Variants in MTUS2 observed in about 807,000 individuals in gnomAD.
MTUS2 encodes microtubule-associated tumor suppressor candidate 2.
A neutral mutation model predicts 114.1 loss-of-function variants in MTUS2; 40 were observed. The observed-to-expected ratio is 0.35, with a 90% CI of 0.27 to 0.46. The LOEUF (loss-of-function observed/expected upper bound fraction) is 0.46. Among genes scored for constraint, MTUS2 ranks in the 20% least tolerant of loss-of-function variants. MTUS2 has a pLI of 1.00. For missense variants in MTUS2, 1,679 were observed against 1,705.4 expected, an observed-to-expected ratio of 0.98 and a Z score of 0.27; for synonymous variants, 688 against 672.0, an observed-to-expected ratio of 1.02 and a Z score of -0.37.
chr13:29,472,107 C>A (rs1319231105), intron 9 of MTUS2, among the ~76,000 whole-genome samples: 1 of 152,170 alleles, frequency 6.6e-6, no homozygotes, highest in African/African-American at 2.4e-5. Flanking sequence ...TCACTGTAAC[C>A]TCTGCCTCCC....
chr13:29,339,028 G>A (rs1479025021), intron 7 of MTUS2, among the ~76,000 whole-genome samples: 1 of 152,132 alleles, frequency 6.6e-6, no homozygotes, highest in Non-Finnish European at 1.5e-5. Context: ...AATAGGATGA[G>A]GCAGTCTGGA....
chr13:29,205,956 C>T (rs1895167609), intron 5 of MTUS2, among the ~76,000 whole-genome samples: 1 of 152,120 alleles, frequency 6.6e-6, no homozygotes, highest in South Asian at 2.1e-4. Context: ...AATGGTAGTT[C>T]TACTTTTAGT....
At chr13:29,446,840 A>G (rs957845228) in intron 9 of MTUS2, among the ~76,000 whole-genome samples, 1 of 152,174 alleles carries the variant, frequency 6.6e-6, no homozygotes, top group African/African-American at 2.4e-5. Flanking sequence ...GAGAAGAGAC[A>G]CATAATATCT....
intron 9 of MTUS2, among the ~76,000 whole-genome samples, chr13:29,460,259 A>G (rs1230023040): frequency 1.3e-5 from 2 of 152,062 alleles, no homozygotes; most frequent in African/African-American, 4.8e-5. Flanking sequence ...TGTTTTTCCT[A>G]CAAGTGCTGT....
At chr13:29,000,989 A>G (rs148333700) in intron 2 of MTUS2, among the ~76,000 whole-genome samples, 287 of 152,238 alleles carry the variant, frequency 1.9e-3, no homozygotes, top group Non-Finnish European at 3.1e-3. Context: ...GCAGCGTTCT[A>G]CAGTCCTTAG....
At chr13:29,456,966 T>C (rs1476515001) in intron 9 of MTUS2, among the ~76,000 whole-genome samples, 10 of 150,378 alleles carry the variant, frequency 6.6e-5, no homozygotes, top group Non-Finnish European at 1.2e-4. Flanking sequence ...TGAAACCCCG[T>C]CTCTACTAAA....
At chr13:29,454,885 G>A (rs1293757526) in intron 9 of MTUS2, among the ~76,000 whole-genome samples, 2 of 152,136 alleles carry the variant, frequency 1.3e-5, no homozygotes, top group African/African-American at 2.4e-5. Context: ...CCTGTCTTCT[G>A]CTTCTAGCCA....
chr13:29,096,468 C>T (rs1890184301), intron 4 of MTUS2, among the ~76,000 whole-genome samples: 1 of 152,224 alleles, frequency 6.6e-6, no homozygotes, highest in South Asian at 2.1e-4. Flanking sequence ...GAGGTTAGTT[C>T]TGACCCCTGG....
chr13:29,420,750 G>A (rs1876035262), intron 8 of MTUS2, among the ~76,000 whole-genome samples: 2 of 152,036 alleles, frequency 1.3e-5, no homozygotes, highest in Admixed American at 1.3e-4. Context: ...GTCCAATATT[G>A]TCCAACCTAT....
At chr13:28,838,464 G>C (rs534694779) in intron 1 of MTUS2, among the ~76,000 whole-genome samples, 1 of 152,340 alleles carries the variant, frequency 6.6e-6, no homozygotes, top group African/African-American at 2.4e-5. Context: ...AGAAGTAAAT[G>C]TTCCCTTCAT....
In MTUS2 at chr13:28,966,037, A is replaced by G. The variant is rs113841014; in HGVS notation, c.-242-58420A>G. ...ACAGTGCTCAAAGTGGCATCTTTAC[A>G]AAGAGATTTCTGGAATATCTGGTAA... On this transcript the variant is annotated intron_variant, in intron 2 of 15. Coordinates refer to ENST00000612955, the MANE Select transcript of MTUS2 (RefSeq NM_001033602.4). Among the ~76,000 whole-genome samples the G allele has an allele frequency of 2.6e-4, 39 of 152,362 alleles. 1 individual carries two copies. The highest frequency in any genetic ancestry group is 8.2e-4 in the African/African-American group (34 of 41,592).
chr13:29,325,264 T>TA (rs1900432324), intron 7 of MTUS2, among the ~76,000 whole-genome samples: 1 of 152,126 alleles, frequency 6.6e-6, no homozygotes, highest in African/African-American at 2.4e-5. Context: ...CAGACCAGCC[T>TA]AGCCAATATA....
At chr13:29,097,654 G>A (rs1712575210) in intron 4 of MTUS2, among the ~76,000 whole-genome samples, 1 of 152,150 alleles carries the variant, frequency 6.6e-6, no homozygotes, top group Non-Finnish European at 1.5e-5. Flanking sequence ...GTGGCTGAAG[G>A]TCTGAGATCA....
chr13:29,280,394 G>A (rs1898222319), intron 5 of MTUS2, among the ~76,000 whole-genome samples: 1 of 152,064 alleles, frequency 6.6e-6, no homozygotes, highest in Non-Finnish European at 1.5e-5. Flanking sequence ...TTTAAGAAAT[G>A]GTGCATTCTT....
intron 4 of MTUS2, among the ~76,000 whole-genome samples, chr13:29,084,789 C>A (rs927999047): frequency 1.1e-4 from 13 of 113,240 alleles, no homozygotes; most frequent in East Asian, 1.1e-3. Context: ...CCACCCCCCC[C>A]CCTCACCGTT....
intron 7 of MTUS2, among the ~76,000 whole-genome samples, chr13:29,333,525 A>C (rs1900900176): frequency 6.6e-6 from 1 of 152,090 alleles, no homozygotes; most frequent in Non-Finnish European, 1.5e-5. Flanking sequence ...CCTGAGTTCT[A>C]ATTTGATTGC....
At chr13:29,291,212 A>C (rs1349074455) in intron 6 of MTUS2, among the ~76,000 whole-genome samples, 1 of 151,886 alleles carries the variant, frequency 6.6e-6, no homozygotes, top group African/African-American at 2.4e-5. Flanking sequence ...CCCCCAGCGC[A>C]CCTCTCTCCT....
chr13:29,414,468 T>TAA (rs67181675), intron 8 of MTUS2, among the ~76,000 whole-genome samples: 3 of 126,802 alleles, frequency 2.4e-5, no homozygotes, highest in Non-Finnish European at 4.9e-5. Context: ...AAAAAAAAAT[T>TAA]AAAAAAAAAA....
intron 7 of MTUS2, among the ~76,000 whole-genome samples, chr13:29,325,388 G>A (rs1168095523): frequency 6.6e-6 from 1 of 150,744 alleles, no homozygotes; most frequent in Non-Finnish European, 1.5e-5. Flanking sequence ...CTCGAGAGGT[G>A]GAGGTTGCAG....
Sources: gnomAD v4.1 joint callset for allele counts (sites outside exome capture counted in the v4.1 genomes callset) on GRCh38, gnomAD v4.1.1 for gene constraint, MANE v1.5 for transcripts, NCBI Gene and HGNC (gene_info 2026-07-23, HGNC 2026-07-21) for gene names.